Variants in PAPSS1 observed in about 807,000 individuals in gnomAD.
PAPSS1 encodes the protein 3'-phosphoadenosine 5'-phosphosulfate synthase 1.
Under a neutral mutation model 72.0 loss-of-function variants are expected in PAPSS1, and 50 were observed. The observed-to-expected ratio is 0.69, with a 90% CI of 0.55 to 0.88. The LOEUF (loss-of-function observed/expected upper bound fraction) is 0.88, where lower values mean the gene tolerates loss of function less well. PAPSS1 is among the 40% of genes least tolerant of loss of function. The pLI is 0.00. For synonymous variants in PAPSS1, 261 were observed against 263.6 expected (o/e 0.99, Z 0.09); for missense variants, 657 against 782.2 (o/e 0.84, Z 1.91).
At position 107,720,219 on chromosome 4, in the gene PAPSS1, G is replaced by A. The variant is rs566161497; in HGVS notation, c.-40C>T. 5 of 1,582,980 alleles carry A rather than the reference G, an allele frequency of 3.2e-6. No homozygotes were observed. Among genetic ancestry groups the A allele is most frequent in the African/African-American group, 1.4e-5 (1 of 72,618 alleles). ...CTGAGCAGCCGGGGTTCTCTGCGCCGGGAGGGTAGCAAGAGGAGGGCAGGC... is the reference window on the plus strand; with the variant it reads ...CTGAGCAGCCGGGGTTCTCTGCGCCAGGAGGGTAGCAAGAGGAGGGCAGGC... On this transcript the variant is annotated 5_prime_UTR_variant, in exon 1 of 12. Coordinates refer to ENST00000265174, the MANE Select transcript of PAPSS1 (RefSeq NM_005443.5).
intron 2 of PAPSS1, among the ~76,000 whole-genome samples, chr4:107,700,122 C>T (rs750921724): frequency 6.6e-6 from 1 of 152,022 alleles, no homozygotes; most frequent in Non-Finnish European, 1.5e-5. Context: ...AACAAACAGA[C>T]CTGTCTAAAA....
chr4:107,720,153 C>T lies in PAPSS1; in HGVS notation c.27G>A (p.Lys9=), dbSNP rs779161746. ...GCGCGTTATTGCTCAGTTTGACTTT[C>T]TTGCACAGGCTCCCGGGGATCTCCA... MEIPGSLC[K]KVKLSNNAQN... is the part of the protein sequence containing the mutation. The change falls in exon 1 of 12, where the codon AAG becomes AAA. Residue 9 remains lysine, a synonymous_variant. Coordinates refer to ENST00000265174, the MANE Select transcript of PAPSS1 (RefSeq NM_005443.5). 1 of 1,606,078 alleles carries T rather than the reference C, an allele frequency of 6.2e-7. No homozygotes were observed. Among genetic ancestry groups the T allele is most frequent in the Non-Finnish European group, 8.5e-7 (1 of 1,176,664 alleles).
At chr4:107,715,474 T>G (rs984755914) in intron 1 of PAPSS1, among the ~76,000 whole-genome samples, 12 of 152,248 alleles carry the variant, frequency 7.9e-5, no homozygotes, top group Admixed American at 7.9e-4. Flanking sequence ...TGTTTGGCTG[T>G]CTGTTCCACT....
chr4:107,631,699 T>G lies in PAPSS1; in HGVS notation c.1668A>C (p.Glu556Asp). The G allele has an allele frequency of 6.2e-7, 1 of 1,614,124 alleles. No homozygotes were observed. The highest frequency in any genetic ancestry group is 1.3e-5 in the African/African-American group (1 of 75,028). ...AAGCTGCAACTCGAAAGGGAACTAT[T>G]TCCAAAGTGATTAAACCAGGGGCCA... is the stretch of plus-strand genomic sequence containing the variant. The part of the protein sequence containing the change: ...LTMAPGLITL[E>D]IVPFRVAAYN... Residue 556 changes from glutamate (E) to aspartate (D), a missense_variant, in exon 11 of 12, where the codon GAA becomes GAC. By Grantham distance (45) the Glu-to-Asp change is conservative. Coordinates refer to ENST00000265174, the MANE Select transcript of PAPSS1 (RefSeq NM_005443.5).
chr4:107,634,954 C>T (rs2672457), intron 10 of PAPSS1, among the ~76,000 whole-genome samples: 149,535 of 151,704 alleles, frequency 0.99, 73,708 homozygotes, highest in African/African-American at 1. Flanking sequence ...CCCGCTACCA[C>T]GCCCAGCTAA....
At chr4:107,664,549 A>G (rs549079886) in intron 5 of PAPSS1, among the ~76,000 whole-genome samples, 1 of 152,208 alleles carries the variant, frequency 6.6e-6, no homozygotes, top group East Asian at 1.9e-4. Context: ...CTGAGGGCAC[A>G]CTCAGGTGCA....
intron 4 of PAPSS1, among the ~76,000 whole-genome samples, chr4:107,685,605 A>C (rs562259186): frequency 5.9e-5 from 9 of 152,312 alleles, no homozygotes; most frequent in African/African-American, 1.9e-4. Context: ...CTGAGTCAAG[A>C]AAGTAACAGC....
chr4:107,657,695 C>T (rs1446543901), intron 6 of PAPSS1, among the ~76,000 whole-genome samples: 2 of 151,842 alleles, frequency 1.3e-5, no homozygotes, highest in Non-Finnish European at 2.9e-5. Context: ...TGAGATCATG[C>T]CACTGCACTC....
chr4:107,629,856 C>A (rs1043944495), intron 11 of PAPSS1, among the ~76,000 whole-genome samples: 1 of 152,124 alleles, frequency 6.6e-6, no homozygotes, highest in Non-Finnish European at 1.5e-5. Flanking sequence ...AGTGGAAAAA[C>A]GCCCAGGAAA....
chr4:107,640,304 T>C (rs566625418), intron 10 of PAPSS1, among the ~76,000 whole-genome samples: 85 of 152,296 alleles, frequency 5.6e-4, no homozygotes, highest in Middle Eastern at 3.4e-3. Context: ...GAATTTAGGA[T>C]TCAAGCCATA....
chr4:107,687,169 G>A lies in PAPSS1; in HGVS notation c.420C>T (p.Asn140=), dbSNP rs760924449. The change falls in exon 4 of 12, where the codon AAC becomes AAT. Residue 140 remains asparagine (N), a synonymous_variant. Coordinates refer to ENST00000265174, the MANE Select transcript of PAPSS1 (RefSeq NM_005443.5). Reference sequence around the variant, plus strand: ...CACCTTCATGAATTTGCCTTGCATTGTTGCGATCCTTAAAAAAAAATAAAA... The same window carrying A: ...CACCTTCATGAATTTGCCTTGCATTATTGCGATCCTTAAAAAAAAATAAAA... The part of the protein sequence containing the change: ...SFISPYTQDR[N]NARQIHEGAS... The A allele has an allele frequency of 1.0e-5, 16 of 1,557,008 alleles. No individual in the cohort carries two copies. In the East Asian group the frequency reaches 3.3e-4, roughly 32 times the overall value.
At chr4:107,668,055 G>A (rs1367975680) in intron 5 of PAPSS1, among the ~76,000 whole-genome samples, 1 of 152,164 alleles carries the variant, frequency 6.6e-6, no homozygotes, top group Non-Finnish European at 1.5e-5. Flanking sequence ...ATCAAGGAAT[G>A]TGAAAGAGAG....
At chr4:107,719,983 C>G in intron 1 of PAPSS1, 137 bp downstream of exon 1, 1 of 1,444,780 alleles carries the variant, frequency 6.9e-7, no homozygotes, top group South Asian at 1.4e-5. Flanking sequence ...AGCCGGGAGG[C>G]GCCGCAGCCC....
chr4:107,642,468 TATAAC>T (rs908164198), intron 10 of PAPSS1, among the ~76,000 whole-genome samples: 18 of 152,244 alleles, frequency 1.2e-4, no homozygotes, highest in African/African-American at 3.4e-4. Flanking sequence ...GATTAATCCT[TATAAC>T]ATAAGTTATA....
chr4:107,690,405 A>C (rs948582156), intron 3 of PAPSS1, among the ~76,000 whole-genome samples: 6 of 152,172 alleles, frequency 3.9e-5, no homozygotes, highest in Non-Finnish European at 7.3e-5. Context: ...TGGTCTAACT[A>C]GTATACTCTG....
At chr4:107,698,472 C>A (rs1364443996) in intron 2 of PAPSS1, among the ~76,000 whole-genome samples, 2 of 152,086 alleles carry the variant, frequency 1.3e-5, no homozygotes, top group Non-Finnish European at 2.9e-5. Context: ...TGAAAGTCAC[C>A]ACCACATCCG....
intron 9 of PAPSS1, among the ~76,000 whole-genome samples, chr4:107,653,029 TTC>T (rs1165953890): frequency 6.6e-6 from 1 of 150,712 alleles, no homozygotes; most frequent in Non-Finnish European, 1.5e-5. Flanking sequence ...AAGTAAAACA[TTC>T]TGAGATACAT....
intron 10 of PAPSS1, among the ~76,000 whole-genome samples, chr4:107,633,836 G>A (rs113294998): frequency 0.018 from 2,641 of 150,552 alleles, 40 homozygotes; most frequent in Non-Finnish European, 0.022. Context: ...GGAGAATGGC[G>A]TGAACCCGGG....
chr4:107,673,798 A>G (rs1427816342), intron 5 of PAPSS1, among the ~76,000 whole-genome samples: 1 of 152,192 alleles, frequency 6.6e-6, no homozygotes, highest in Non-Finnish European at 1.5e-5. Flanking sequence ...AGCCAGAGAG[A>G]AAGGTCGGGT....
Sources: gnomAD v4.1 joint callset for allele counts (sites outside exome capture counted in the v4.1 genomes callset) on GRCh38, gnomAD v4.1.1 for gene constraint, MANE v1.5 for transcripts, NCBI Gene and HGNC (gene_info 2026-07-23, HGNC 2026-07-21) for gene names.